The following FLVCR2 variants were observed in gnomAD, a reference collection of about 807,000 sequenced individuals.
The protein encoded by FLVCR2 is FLVCR choline and putative heme transporter 2.
In FLVCR2, 38 loss-of-function variants were observed where a neutral mutation model predicts 48.9. That is an observed-to-expected ratio of 0.78 (90% confidence interval 0.60 to 1.02). The LOEUF is 1.02. Ranked by LOEUF, FLVCR2 falls within the 50% of genes least tolerant of loss-of-function variation. The pLI is 0.00. For synonymous variants in FLVCR2, 255 were observed against 257.0 expected, an observed-to-expected ratio of 0.99 and a Z score of 0.07; for missense variants, 664 against 663.3, an observed-to-expected ratio of 1.00 and a Z score of -0.01.
intron 1 of FLVCR2, among the ~76,000 whole-genome samples, chr14:75,616,234 G>A (rs1241928380): frequency 6.6e-6 from 1 of 151,612 alleles, no homozygotes; most frequent in African/African-American, 2.4e-5. Flanking sequence ...GGCTGAGGCA[G>A]GAGAATTGCT....
intron 1 of FLVCR2, among the ~76,000 whole-genome samples, chr14:75,597,902 A>G (rs1242619690): frequency 6.6e-6 from 1 of 152,010 alleles, no homozygotes; most frequent in Admixed American, 6.5e-5. Context: ...CCTCCCAAAT[A>G]AGGCTCGTGA....
In FLVCR2 at chr14:75,644,982, T is replaced by A. The variant is rs1890384407; in HGVS notation, c.1510-1419T>A. Among the ~76,000 whole-genome samples the A allele has an allele frequency of 3.9e-5, 6 of 152,156 alleles. No homozygotes were observed. The East Asian group carries it at 7.7e-4, about 20-fold the overall frequency. ...GCACTTCTGTCTCCACTAACTTGTT[T>A]CCCATTTGTGATTGTGATTTCCAGG... is the stretch of plus-strand genomic sequence containing the variant. On this transcript the variant is annotated intron_variant, in intron 9 of 9. Transcript: ENST00000238667.
chr14:75,583,335 G>C (rs1449271181), intron 1 of FLVCR2, among the ~76,000 whole-genome samples: 1 of 152,184 alleles, frequency 6.6e-6, no homozygotes, highest in Admixed American at 6.5e-5. Context: ...ATTGTAGGGA[G>C]AGTTTATAGG....
chr14:75,594,699 T>C (rs1888972975), intron 1 of FLVCR2, among the ~76,000 whole-genome samples: 2 of 150,370 alleles, frequency 1.3e-5, no homozygotes, highest in Non-Finnish European at 2.9e-5. Context: ...ATGAGTCCAC[T>C]CCTGTAATAA....
intron 1 of FLVCR2, among the ~76,000 whole-genome samples, chr14:75,603,661 C>T (rs1030754623): frequency 4.6e-5 from 7 of 152,176 alleles, no homozygotes; most frequent in African/African-American, 1.7e-4. Flanking sequence ...AACACTTAAG[C>T]TAAAGGAGCG....
intron 1 of FLVCR2, among the ~76,000 whole-genome samples, chr14:75,582,800 T>C (rs1424014041): frequency 6.6e-6 from 1 of 152,104 alleles, no homozygotes; most frequent in African/African-American, 2.4e-5. Context: ...TTTTGTGAGT[T>C]TATAAAATGG....
chr14:75,596,333 G>C (rs1278805138), intron 1 of FLVCR2: 1 of 371,936 alleles, frequency 2.7e-6, no homozygotes, highest in African/African-American at 2.1e-5. Flanking sequence ...AGTGACTAAA[G>C]GTAGACGGGG....
At chr14:75,588,732 G>A (rs1222718718) in intron 1 of FLVCR2, among the ~76,000 whole-genome samples, 2 of 152,142 alleles carry the variant, frequency 1.3e-5, no homozygotes, top group African/African-American at 2.4e-5. Context: ...CCCTGCCTCG[G>A]CCTCCCAAAG....
At chr14:75,582,552 A>G (rs997942624) in intron 1 of FLVCR2, among the ~76,000 whole-genome samples, 6 of 152,234 alleles carry the variant, frequency 3.9e-5, no homozygotes, top group African/African-American at 1.4e-4. Context: ...ACACGGAGAC[A>G]TGATGGCCAG....
In FLVCR2 at chr14:75,625,453, G is replaced by A. The variant is rs188410703; in HGVS notation, c.952+701G>A. Among the ~76,000 whole-genome samples, 6 of 151,976 alleles carry A rather than the reference G, an allele frequency of 3.9e-5. No homozygotes were observed. The East Asian group carries it at 1.2e-3, about 29-fold the overall frequency. ...AAACCTGTAATAAGATTGTTGGATC[G>A]AACAAGGGCAAAGACAGAGCCTCAT... On this transcript the variant is annotated intron_variant, in intron 3 of 9. Transcript: ENST00000238667.
intron 1 of FLVCR2, among the ~76,000 whole-genome samples, chr14:75,618,315 C>G (rs1191037398): frequency 6.6e-6 from 1 of 152,190 alleles, no homozygotes; most frequent in African/African-American, 2.4e-5. Context: ...GGACCCACCT[C>G]AGACCTGAGG....
At position 75,585,784 on chromosome 14, in the gene FLVCR2, T is replaced by A. The variant is rs190768013; in HGVS notation, c.669+6143T>A. Among the ~76,000 whole-genome samples, 359 of 152,166 alleles carry A rather than the reference T, an allele frequency of 2.4e-3. 9 individuals are homozygous for A. The South Asian group carries it at 0.058, about 25-fold the overall frequency. ...CCATGACCGGTGCCGGAGTTTTGGG[T>A]CCACGGATAAAATGTGCCTCCTTTA... On this transcript the variant is annotated intron_variant, in intron 1 of 9. Transcript: ENST00000238667.
At chr14:75,622,422 T>C (rs970488599) in intron 2 of FLVCR2, among the ~76,000 whole-genome samples, 19 of 152,212 alleles carry the variant, frequency 1.2e-4, no homozygotes, top group African/African-American at 4.6e-4. Context: ...TGCACTTTGT[T>C]AGTGGCTAAG....
At position 75,579,515 on chromosome 14, in the gene FLVCR2, G is replaced by A. The variant is rs2287016; in HGVS notation, c.543G>A (p.Val181=). The stretch of plus-strand genomic sequence containing the variant: ...AGCCGCATCTCTTTCCGGTCACCGT[G>A]GTGGGCCAGCTCATCTGCTCTGTGG... The part of the protein sequence containing the change: ...SLKPHLFPVT[V]VGQLICSVAQ... The change falls in exon 1 of 10, where the codon GTG becomes GTA. Residue 181 remains valine (V), a synonymous_variant. Coordinates refer to ENST00000238667, the MANE Select transcript of FLVCR2 (RefSeq NM_017791.3). 432,455 of 1,612,614 alleles carry A rather than the reference G, an allele frequency of 0.27. 69,778 individuals carry two copies. The highest frequency in any genetic ancestry group is 0.67 in the African/African-American group (50,528 of 74,904).
intron 1 of FLVCR2, among the ~76,000 whole-genome samples, chr14:75,598,789 T>C (rs1410049044): frequency 2.0e-5 from 3 of 152,288 alleles, no homozygotes; most frequent in Admixed American, 2.0e-4. Flanking sequence ...CTTGGCTTTG[T>C]TGCCTTGCCA....
intron 1 of FLVCR2, among the ~76,000 whole-genome samples, chr14:75,582,491 T>C (rs937809802): frequency 3.9e-5 from 6 of 152,092 alleles, no homozygotes. Context: ...GAGTTGAGCA[T>C]AGTTTGTGAT....
chr14:75,609,765 T>A (rs1351092944), intron 1 of FLVCR2, among the ~76,000 whole-genome samples: 1 of 152,152 alleles, frequency 6.6e-6, no homozygotes, highest in Non-Finnish European at 1.5e-5. Context: ...CATGGGAGGA[T>A]TAGAAACATT....
rs184165032 is a variant in FLVCR2 at position 75,606,182 on chromosome 14, C to T, written c.670-15897C>T. Among the ~76,000 whole-genome samples the T allele has an allele frequency of 3.8e-3, 582 of 152,218 alleles. 1 individual carries two copies. Among genetic ancestry groups the T allele is most frequent in the Non-Finnish European group, 5.6e-3 (378 of 68,010 alleles). On this transcript the variant is annotated intron_variant, in intron 1 of 9. Transcript: ENST00000238667. ...CTGGAACTACAGGCTCATGCTACCA[C>T]GCCTGGCCAATTTTTGTATTTTTTT...
chr14:75,617,330 GGAA>G (rs1889644169), intron 1 of FLVCR2, among the ~76,000 whole-genome samples: 1 of 152,086 alleles, frequency 6.6e-6, no homozygotes. Context: ...CATTTGCTCT[GGAA>G]ACGTTCCTGA....
Sources: gnomAD v4.1 joint callset for allele counts (sites outside exome capture counted in the v4.1 genomes callset) on GRCh38, gnomAD v4.1.1 for gene constraint, MANE v1.5 for transcripts, NCBI Gene and HGNC (gene_info 2026-07-23, HGNC 2026-07-21) for gene names.